Variants in MAP1LC3C observed in about 807,000 individuals in gnomAD.
MAP1LC3C encodes microtubule-associated protein 1 light chain 3 gamma.
A neutral mutation model predicts 10.4 loss-of-function variants in MAP1LC3C; 12 were observed. The ratio of observed to expected loss-of-function variants is 1.15; its 90% CI spans 0.74 to 1.86. The LOEUF (loss-of-function observed/expected upper bound fraction) is 1.86, where lower values mean the gene tolerates loss of function less well. Among genes scored for constraint, MAP1LC3C ranks in the 40% most tolerant of loss-of-function variants. MAP1LC3C has a pLI of 0.00. For synonymous variants in MAP1LC3C, 70 were observed against 69.0 expected (o/e 1.01, Z -0.07); for missense variants, 177 against 185.7 (o/e 0.95, Z 0.27).
chr1:242,000,972 T>A (rs1420605574), upstream of MAP1LC3C, among the ~76,000 whole-genome samples: 1 of 152,042 alleles, frequency 6.6e-6, no homozygotes, highest in Non-Finnish European at 1.5e-5. Context: ...AGTCAACTGA[T>A]GAACTAAAAA....
At chr1:241,998,019 TTC>T (rs1218527226) in intron 3 of MAP1LC3C, among the ~76,000 whole-genome samples, 11 of 91,466 alleles carry the variant, frequency 1.2e-4, no homozygotes, top group African/African-American at 4.9e-4. Context: ...AATAGAGTAA[TTC>T]TTTTTTTTTT....
At chr1:241,999,193 CAGG>C, upstream of MAP1LC3C, 1 of 1,230,420 alleles carries the variant, frequency 8.1e-7, no homozygotes, top group Non-Finnish European at 1.1e-6. Flanking sequence ...CCCTGGGCAG[CAGG>C]AGGTCAGTTC....
At chr1:241,999,808 TCAAAA>T (rs111733892), upstream of MAP1LC3C, among the ~76,000 whole-genome samples, 35 of 151,924 alleles carry the variant, frequency 2.3e-4, no homozygotes, top group African/African-American at 8.0e-4. Flanking sequence ...AAACTTCATC[TCAAAA>T]CAAAACAAAA....
chr1:241,999,808 T>TCAAAACAAAA (rs111733892), upstream of MAP1LC3C, among the ~76,000 whole-genome samples: 28 of 151,806 alleles, frequency 1.8e-4, no homozygotes, highest in African/African-American at 6.8e-4. Context: ...AAACTTCATC[T>TCAAAACAAAA]CAAAACAAAA....
chr1:242,000,201 C>T (rs989442514), upstream of MAP1LC3C, among the ~76,000 whole-genome samples: 2 of 152,152 alleles, frequency 1.3e-5, no homozygotes, highest in African/African-American at 4.8e-5. Flanking sequence ...AAGACTGTCC[C>T]CCACTTTCAA....
chr1:241,996,451 G>T, intron 3 of MAP1LC3C, 66 bp from the exon 4 acceptor site: 1 of 1,308,192 alleles, frequency 7.6e-7, no homozygotes, highest in South Asian at 1.3e-5. Context: ...GCAGCCTCAT[G>T]ACACTCAAGA....
At chr1:241,996,882 G>A (rs1384161692) in intron 3 of MAP1LC3C, among the ~76,000 whole-genome samples, 1 of 104,734 alleles carries the variant, frequency 9.5e-6, no homozygotes. Flanking sequence ...CTGTACTCCA[G>A]CCTGGTGACA....
At chr1:241,998,021 C>CTTTATTTTTTTTTTT (rs1665121640) in intron 3 of MAP1LC3C, among the ~76,000 whole-genome samples, 1 of 95,414 alleles carries the variant, frequency 1.0e-5, no homozygotes, top group Non-Finnish European at 2.0e-5. Flanking sequence ...TAGAGTAATT[C>CTTTATTTTTTTTTTT]TTTTTTTTTT....
At chr1:242,000,909 G>T (rs756732540), upstream of MAP1LC3C, among the ~76,000 whole-genome samples, 4 of 152,098 alleles carry the variant, frequency 2.6e-5, no homozygotes, top group Non-Finnish European at 4.4e-5. Context: ...TCTCACCTTT[G>T]TCTTTCTGGC....
At chr1:241,998,675 G>T (rs916119138) in intron 2 of MAP1LC3C, 55 bp from the exon 3 acceptor site, 4 of 1,607,680 alleles carry the variant, frequency 2.5e-6, no homozygotes, top group Non-Finnish European at 3.4e-6. Flanking sequence ...TTAGGAACTT[G>T]GAACAGACAG....
chr1:241,998,841 T>A lies in MAP1LC3C; in HGVS notation c.59-10A>T. On this transcript the variant is annotated splice_polypyrimidine_tract_variant and intron_variant, in intron 1 of 3. Transcript: ENST00000357246. ...TCCTCTTGTCTGATTGCTGTGAATA[T>A]TTCAAGCACAAGAGAAGAAGCAAAG... 1.1e-5 allele frequency: 17 copies of A among 1,614,028 alleles called. No individual in the cohort carries two copies. Among genetic ancestry groups the A allele is most frequent in the Non-Finnish European group, 1.4e-5 (17 of 1,180,000 alleles).
intron 3 of MAP1LC3C, 50 bp downstream of exon 3, chr1:241,998,464 C>G (rs781136782): frequency 2.6e-6 from 4 of 1,528,994 alleles, no homozygotes; most frequent in Non-Finnish European, 3.6e-6. Context: ...GCCCAACAGC[C>G]CCGGCGCACC....
At chr1:241,997,849 T>C (rs1000486300) in intron 3 of MAP1LC3C, among the ~76,000 whole-genome samples, 1 of 152,046 alleles carries the variant, frequency 6.6e-6, no homozygotes, top group Non-Finnish European at 1.5e-5. Context: ...TGCTGGTCTC[T>C]GCAACGGACG....
At chr1:241,997,641 A>T (rs1387492172) in intron 3 of MAP1LC3C, among the ~76,000 whole-genome samples, 1 of 152,176 alleles carries the variant, frequency 6.6e-6, no homozygotes, top group Non-Finnish European at 1.5e-5. Context: ...TTTACTCCCA[A>T]ATCATTTTTT....
chr1:241,999,837 A>C (rs1393987290), upstream of MAP1LC3C, among the ~76,000 whole-genome samples: 3 of 152,070 alleles, frequency 2.0e-5, no homozygotes, highest in African/African-American at 7.2e-5. Context: ...AACAAAAAAA[A>C]CCCAGAGTTG....
intron 3 of MAP1LC3C, among the ~76,000 whole-genome samples, chr1:241,998,279 C>G (rs1469307113): frequency 6.6e-6 from 1 of 152,124 alleles, no homozygotes; most frequent in Non-Finnish European, 1.5e-5. Context: ...GCCTCAGCCT[C>G]CCAGAGTGCT....
chr1:241,998,940 A>G lies in MAP1LC3C; in HGVS notation c.58+11T>C. ...TTTAGATAACCCAGAAAGCTACCCC[A>G]AGAAATTTACCCAAGCTTTTCCTCT... On this transcript the variant is annotated intron_variant, in intron 1 of 3. Coordinates refer to ENST00000357246, the MANE Select transcript of MAP1LC3C (RefSeq NM_001004343.3). The G allele has an allele frequency of 1.2e-6, 2 of 1,610,922 alleles. No homozygotes were observed. Among genetic ancestry groups the G allele is most frequent in the East Asian group, 2.2e-5 (1 of 44,864 alleles).
chr1:241,996,422 C>A (rs760757341), intron 3 of MAP1LC3C, 37 bp from the exon 4 acceptor site: 13 of 1,546,124 alleles, frequency 8.4e-6, no homozygotes, highest in Middle Eastern at 1.7e-4. Context: ...GTATGGCCTG[C>A]GAGACAGCCC....
intron 3 of MAP1LC3C, among the ~76,000 whole-genome samples, chr1:241,996,991 T>C (rs1269164315): frequency 6.8e-6 from 1 of 146,980 alleles, no homozygotes; most frequent in East Asian, 2.0e-4. Flanking sequence ...GATATTTCAC[T>C]TTTTTTTTTT....
Sources: gnomAD v4.1 joint callset for allele counts (sites outside exome capture counted in the v4.1 genomes callset) on GRCh38, gnomAD v4.1.1 for gene constraint, MANE v1.5 for transcripts, NCBI Gene and HGNC (gene_info 2026-07-23, HGNC 2026-07-21) for gene names.